Variants in TP63 observed in about 807,000 individuals in gnomAD.
The protein encoded by TP63 is tumor protein 63.
Under a neutral mutation model 82.8 loss-of-function variants are expected in TP63, and 17 were observed. The ratio of observed to expected loss-of-function variants is 0.21; its 90% CI spans 0.14 to 0.31. TP63 has a LOEUF of 0.31. TP63 is among the 10% of genes least tolerant of loss of function. TP63 has a pLI of 1.00. For synonymous variants in TP63, 330 were observed against 321.7 expected, an observed-to-expected ratio of 1.03 and a Z score of -0.28; for missense variants, 648 against 895.3, an observed-to-expected ratio of 0.72 and a Z score of 3.52.
At chr3:189,655,949 A>C (rs895957123) in intron 1 of TP63, among the ~76,000 whole-genome samples, 1 of 152,208 alleles carries the variant, frequency 6.6e-6, no homozygotes, top group Admixed American at 6.5e-5. Context: ...TATCCATAAG[A>C]AAAGACATTG....
chr3:189,789,705 AG>A, intron 3 of TP63: 1 of 1,434,898 alleles, frequency 7.0e-7, no homozygotes, highest in Non-Finnish European at 9.2e-7. Context: ...TATCTTCTTA[AG>A]TAGATTCATA....
chr3:189,707,734 T>C (rs1429820027), intron 1 of TP63, among the ~76,000 whole-genome samples: 1 of 152,134 alleles, frequency 6.6e-6, no homozygotes, highest in East Asian at 1.9e-4. Flanking sequence ...TAACCACAAA[T>C]AGAATAAATT....
At chr3:189,728,578 A>G (rs1719935666) in intron 1 of TP63, among the ~76,000 whole-genome samples, 1 of 152,210 alleles carries the variant, frequency 6.6e-6, no homozygotes, top group African/African-American at 2.4e-5. Flanking sequence ...CAGCTGATGT[A>G]ATAGTTTGCT....
At chr3:189,866,580 G>C (rs1011491921) in intron 5 of TP63, 102 bp from the exon 6 acceptor site, 1 of 1,027,398 alleles carries the variant, frequency 9.7e-7, no homozygotes, top group African/African-American at 1.6e-5. Context: ...TTATTATACA[G>C]ACTATTTCTT....
chr3:189,809,220 C>G (rs1010909241), intron 4 of TP63, among the ~76,000 whole-genome samples: 4 of 152,024 alleles, frequency 2.6e-5, no homozygotes, highest in Admixed American at 2.6e-4. Context: ...AAAGAAAAAT[C>G]TTTCTGCATA....
At chr3:189,677,887 G>C (rs1715583341) in intron 1 of TP63, among the ~76,000 whole-genome samples, 1 of 151,904 alleles carries the variant, frequency 6.6e-6, no homozygotes, top group Non-Finnish European at 1.5e-5. Flanking sequence ...TTGGACATCT[G>C]TGTATCTTCT....
intron 1 of TP63, among the ~76,000 whole-genome samples, chr3:189,697,404 C>A (rs1717469806): frequency 6.6e-6 from 1 of 151,868 alleles, no homozygotes; most frequent in Non-Finnish European, 1.5e-5. Flanking sequence ...TTTCATTGAT[C>A]TATAAGTATA....
intron 4 of TP63, among the ~76,000 whole-genome samples, chr3:189,842,221 G>GGAGA (rs113554185): frequency 2.2e-4 from 33 of 149,498 alleles, no homozygotes; most frequent in African/African-American, 6.6e-4. Context: ...TCTTCTGTCT[G>GGAGA]GAGAGAGAGA....
intron 4 of TP63, among the ~76,000 whole-genome samples, chr3:189,842,859 C>A (rs1406549996): frequency 6.6e-6 from 1 of 152,200 alleles, no homozygotes; most frequent in Non-Finnish European, 1.5e-5. Context: ...GTCACTCTGA[C>A]AAATGCCTCC....
Position 189,867,771 on chromosome 3 carries a change from T to C in TP63, c.883-62T>C. The C allele has an allele frequency of 2.7e-6, 4 of 1,456,788 alleles. No homozygotes were observed. In the South Asian group the frequency reaches 4.7e-5, roughly 17 times the overall value. The allele number at this position is 1,456,788 out of a possible 1,614,324, so 90.2% of individuals were successfully genotyped here. On this transcript the variant is annotated intron_variant, in intron 6 of 13. Coordinates refer to ENST00000264731, the MANE Select transcript of TP63 (RefSeq NM_003722.5). ...GAATTCCTTAAATAGAGGGAAGAAC[T>C]GAGAAGGAACAACGTCAGTTTAAAC...
At chr3:189,763,659 A>T (rs942120746) in intron 3 of TP63, among the ~76,000 whole-genome samples, 1 of 152,230 alleles carries the variant, frequency 6.6e-6, no homozygotes, top group Non-Finnish European at 1.5e-5. Context: ...AGGTTATACT[A>T]GGAAGACGAA....
the TP63 span, among the ~76,000 whole-genome samples, chr3:189,618,797 T>C: frequency 1.3e-5 from 2 of 152,274 alleles, no homozygotes; most frequent in African/African-American, 4.8e-5. Flanking sequence ...TGGCTTCATA[T>C]TATATATCCA....
intron 4 of TP63, among the ~76,000 whole-genome samples, chr3:189,851,232 T>C (rs1715584127): frequency 6.6e-6 from 1 of 152,156 alleles, no homozygotes; most frequent in African/African-American, 2.4e-5. Context: ...CAAAGCGAGC[T>C]TGGGAAGGGG....
chr3:189,728,156 C>A (rs1719901514), intron 1 of TP63, among the ~76,000 whole-genome samples: 1 of 138,394 alleles, frequency 7.2e-6, no homozygotes. Context: ...AGTAAAATCC[C>A]TATGAGTTTC....
chr3:189,853,909 G>C (rs577560057), intron 4 of TP63, among the ~76,000 whole-genome samples: 1 of 152,204 alleles, frequency 6.6e-6, no homozygotes, highest in Non-Finnish European at 1.5e-5. Context: ...AGTGTATTTT[G>C]GTTGTTTTTG....
At chr3:189,760,766 C>A (rs1445168397) in intron 3 of TP63, among the ~76,000 whole-genome samples, 1 of 152,208 alleles carries the variant, frequency 6.6e-6, no homozygotes, top group Non-Finnish European at 1.5e-5. Flanking sequence ...TCTGCCCTGC[C>A]CTAATAGAGG....
At chr3:189,703,709 A>G (rs990604532) in intron 1 of TP63, among the ~76,000 whole-genome samples, 3 of 152,236 alleles carry the variant, frequency 2.0e-5, no homozygotes, top group African/African-American at 7.2e-5. Context: ...TGGTCACAGC[A>G]TTGTCAATAT....
chr3:189,817,765 C>G (rs2108663141), intron 4 of TP63, among the ~76,000 whole-genome samples: 1 of 151,904 alleles, frequency 6.6e-6, no homozygotes, highest in South Asian at 2.1e-4. Context: ...AGAGTTTCTT[C>G]TTAAAAAATG....
At chr3:189,727,334 T>C (rs1719844811) in intron 1 of TP63, among the ~76,000 whole-genome samples, 1 of 152,224 alleles carries the variant, frequency 6.6e-6, no homozygotes, top group African/African-American at 2.4e-5. Flanking sequence ...TGGATTATTT[T>C]CTGCATGAAT....
Sources: allele counts gnomAD v4.1 joint callset (sites outside exome capture counted in the v4.1 genomes callset), GRCh38; gene constraint gnomAD v4.1.1; transcripts MANE v1.5; gene names NCBI Gene and HGNC (gene_info 2026-07-23, HGNC 2026-07-21).